The following CTNNA2 variants were observed in gnomAD, a reference collection of about 807,000 sequenced individuals.
The protein encoded by CTNNA2 is catenin alpha-2.
CTNNA2 carries 42 observed loss-of-function variants against 101.0 expected under a neutral mutation model. The ratio of observed to expected loss-of-function variants is 0.42; its 90% CI spans 0.32 to 0.54. The LOEUF (loss-of-function observed/expected upper bound fraction) is 0.54. Ranked by LOEUF, CTNNA2 falls within the 20% of genes least tolerant of loss-of-function variation. CTNNA2 has a pLI of 0.14. For synonymous variants in CTNNA2, 450 were observed against 456.4 expected, an observed-to-expected ratio of 0.99 and a Z score of 0.18; for missense variants, 871 against 1,223.1, an observed-to-expected ratio of 0.71 and a Z score of 4.29.
chr2:79,982,162 C>T (rs1574465106), intron 7 of CTNNA2, among the ~76,000 whole-genome samples: 1 of 130,114 alleles, frequency 7.7e-6, no homozygotes, highest in African/African-American at 2.9e-5. Context: ...CCTCAGCCTC[C>T]AGAGTACCTG....
In CTNNA2 at chr2:79,498,475, T is replaced by C. The variant is rs1271850475; in HGVS notation, c.-134-6579T>C. ...TTAGCAAGCATGGTCTCCACAGTAG[T>C]TTATCTGGTCAAAGTCTGATTCTGA... is the stretch of plus-strand genomic sequence containing the variant. On this transcript the variant is annotated intron_variant, in intron 4 of 21. Coordinates refer to the CTNNA2 transcript ENST00000466387. Among the ~76,000 whole-genome samples the C allele has an allele frequency of 2.0e-5, 3 of 152,236 alleles. No homozygotes were observed. In the East Asian group the frequency reaches 5.8e-4, roughly 29 times the overall value.
chr2:79,474,338 A>G (rs1039437641), intron 4 of CTNNA2, among the ~76,000 whole-genome samples: 1 of 152,198 alleles, frequency 6.6e-6, no homozygotes, highest in African/African-American at 2.4e-5. Flanking sequence ...TGAACTATTG[A>G]CAAAAACAAC....
At chr2:79,958,611 G>C (rs186075149) in intron 7 of CTNNA2, among the ~76,000 whole-genome samples, 1 of 152,092 alleles carries the variant, frequency 6.6e-6, no homozygotes, top group Non-Finnish European at 1.5e-5. Context: ...AAGGAATGCC[G>C]GTCTCCTAAC....
chr2:80,639,618 T>C (rs922102880), intron 18 of CTNNA2, among the ~76,000 whole-genome samples: 2 of 152,150 alleles, frequency 1.3e-5, no homozygotes, highest in African/African-American at 4.8e-5. Flanking sequence ...TGTTAAAATA[T>C]GCAACCAATT....
chr2:79,380,806 C>T (rs1049310231), intron 4 of CTNNA2, among the ~76,000 whole-genome samples: 1 of 152,146 alleles, frequency 6.6e-6, no homozygotes, highest in East Asian at 1.9e-4. Context: ...CTGAAAATTA[C>T]ATTGCAAAAT....
chr2:80,604,271 C>G (rs1697805353), intron 16 of CTNNA2, 92 bp downstream of exon 16: 6 of 920,708 alleles, frequency 6.5e-6, no homozygotes, highest in Non-Finnish European at 1.7e-6. Flanking sequence ...CTATAAAATG[C>G]CTCTGAAGAA....
chr2:79,882,752 G>T (rs992515176), intron 6 of CTNNA2, among the ~76,000 whole-genome samples: 11 of 152,230 alleles, frequency 7.2e-5, no homozygotes, highest in African/African-American at 2.7e-4. Context: ...TGGGAGCTTG[G>T]CAGGCTTAAG....
chr2:80,432,242 A>G (rs1198951845), intron 9 of CTNNA2, among the ~76,000 whole-genome samples: 1 of 152,150 alleles, frequency 6.6e-6, no homozygotes, highest in Non-Finnish European at 1.5e-5. Context: ...AAGCCACTCC[A>G]GTATGTGCGA....
chr2:79,454,195 C>T (rs904324145), intron 4 of CTNNA2, among the ~76,000 whole-genome samples: 2 of 152,080 alleles, frequency 1.3e-5, no homozygotes, highest in Non-Finnish European at 2.9e-5. Flanking sequence ...GATTCCCTCC[C>T]AATTTCTCCC....
intron 3 of CTNNA2, among the ~76,000 whole-genome samples, chr2:79,820,783 A>G (rs573495963): frequency 6.6e-6 from 1 of 152,294 alleles, no homozygotes; most frequent in East Asian, 1.9e-4. Context: ...GGAAATATTG[A>G]TGCTTAGCTG....
rs193000811 is a variant in CTNNA2, at chr2:79,939,032, A to G, written c.1056+29235A>G. Among the ~76,000 whole-genome samples, 447 of 152,258 alleles carry G rather than the reference A, an allele frequency of 2.9e-3. 1 individual carries two copies. Among genetic ancestry groups the G allele is most frequent in the African/African-American group, 0.01 (416 of 41,550 alleles). On this transcript the variant is annotated intron_variant, in intron 7 of 18. Transcript: ENST00000402739. ...GTGTGCACTGGGTTCCAACATAATC[A>G]TGTTACCTGGAGCCATGGAAAAACA... is the stretch of plus-strand genomic sequence containing the variant.
chr2:79,702,309 T>A lies in CTNNA2; in HGVS notation c.103-42078T>A, dbSNP rs540645346. Among the ~76,000 whole-genome samples the A allele has an allele frequency of 8.9e-5, 13 of 146,468 alleles. 1 individual carries two copies. In the East Asian group the frequency reaches 2.5e-3, roughly 28 times the overall value. Reference sequence around the variant, plus strand: ...AAAATATGAGATTCAAATTTCAGTGTTCATAAAGTTTTATTAGAACATAGC... The same window carrying A: ...AAAATATGAGATTCAAATTTCAGTGATCATAAAGTTTTATTAGAACATAGC... On this transcript the variant is annotated intron_variant, in intron 2 of 18. Coordinates refer to ENST00000402739, the MANE Select transcript of CTNNA2 (RefSeq NM_001282597.3).
At chr2:80,002,758 A>G (rs1306856437) in intron 7 of CTNNA2, among the ~76,000 whole-genome samples, 4 of 152,268 alleles carry the variant, frequency 2.6e-5, no homozygotes, top group Non-Finnish European at 4.4e-5. Context: ...ATTCCTGACC[A>G]TCAGACTCTG....
intron 7 of CTNNA2, among the ~76,000 whole-genome samples, chr2:80,368,877 A>G (rs1228527151): frequency 2.0e-5 from 3 of 150,398 alleles, no homozygotes; most frequent in Admixed American, 6.7e-5. Flanking sequence ...GTATATATAT[A>G]TATATATTTG....
At chr2:79,211,720 G>A (rs1003837326) in intron 2 of CTNNA2, among the ~76,000 whole-genome samples, 1 of 152,186 alleles carries the variant, frequency 6.6e-6, no homozygotes, top group Non-Finnish European at 1.5e-5. Context: ...CAGGTCACAT[G>A]GGATATGATG....
chr2:79,697,860 CTTA>C (rs961171408), intron 2 of CTNNA2: 9 of 151,832 alleles, frequency 5.9e-5, no homozygotes, highest in Admixed American at 2.6e-4. Flanking sequence ...TGGCATACCA[CTTA>C]TTATACAAGA....
intron 7 of CTNNA2, among the ~76,000 whole-genome samples, chr2:79,972,397 A>G (rs1161714189): frequency 6.6e-6 from 1 of 152,176 alleles, no homozygotes; most frequent in Admixed American, 6.6e-5. Flanking sequence ...CATGCTGCAC[A>G]TTGGAAAATT....
At chr2:79,864,591 C>T (rs1018015299) in intron 4 of CTNNA2, among the ~76,000 whole-genome samples, 2 of 151,964 alleles carry the variant, frequency 1.3e-5, no homozygotes, top group African/African-American at 4.8e-5. Context: ...TTATCTAGGC[C>T]AATGAATGAA....
At chr2:80,587,964 T>A (rs1696121577) in intron 14 of CTNNA2, among the ~76,000 whole-genome samples, 1 of 152,248 alleles carries the variant, frequency 6.6e-6, no homozygotes, top group Non-Finnish European at 1.5e-5. Context: ...CTGATAGTTA[T>A]GTTCTATAAA....
Sources: allele counts gnomAD v4.1 joint callset (sites outside exome capture counted in the v4.1 genomes callset), GRCh38; gene constraint gnomAD v4.1.1; transcripts MANE v1.5; gene names NCBI Gene and HGNC (gene_info 2026-07-23, HGNC 2026-07-21).